GRXCR1: variants seen among roughly 807,000 people sequenced by gnomAD.
GRXCR1 encodes glutaredoxin and cysteine rich domain containing 1.
A neutral mutation model predicts 27.3 loss-of-function variants in GRXCR1; 27 were observed. That is an observed-to-expected ratio of 0.99 (90% CI 0.73 to 1.37). The LOEUF is 1.37. Ranked by LOEUF, GRXCR1 falls within the 40% of genes most tolerant of loss-of-function variation. The probability of loss-of-function intolerance (pLI) is 0.00; values close to 1 mark genes in which losing one functional copy is unlikely to be tolerated. For missense variants in GRXCR1, 379 were observed against 354.4 expected, an observed-to-expected ratio of 1.07 and a Z score of -0.56; for synonymous variants, 122 against 131.1, an observed-to-expected ratio of 0.93 and a Z score of 0.47.
intron 2 of GRXCR1, among the ~76,000 whole-genome samples, chr4:42,977,843 C>T (rs955207587): frequency 6.6e-6 from 1 of 151,922 alleles, no homozygotes; most frequent in African/African-American, 2.4e-5. Flanking sequence ...CCTTTTGTTG[C>T]CTGTGCTTTC....
At chr4:42,987,289 G>GAA (rs1711802196) in intron 2 of GRXCR1, among the ~76,000 whole-genome samples, 1 of 132,872 alleles carries the variant, frequency 7.5e-6, no homozygotes, top group Non-Finnish European at 1.6e-5. Flanking sequence ...GAGAGAGAGA[G>GAA]AGAGAGAGAG....
intron 2 of GRXCR1, among the ~76,000 whole-genome samples, chr4:42,994,149 T>G (rs1047453513): frequency 6.6e-6 from 1 of 152,140 alleles, no homozygotes; most frequent in Admixed American, 6.5e-5. Context: ...TAGCAACAAC[T>G]TTCAGTCAGT....
At position 42,896,856 on chromosome 4, in the gene GRXCR1, A is replaced by T. The variant is rs566621845; in HGVS notation, c.384+3206A>T. 3.9e-5 allele frequency among the ~76,000 whole-genome samples: 6 copies of T among 152,098 alleles called. 1 individual carries two copies. Among genetic ancestry groups the T allele is most frequent in the African/African-American group, 1.4e-4 (6 of 41,532 alleles). ...TTGATCAGGTTAGATTATCAGAAAAATTTTTCTGAGCCAAAGATGAATAAA... is the reference window on the plus strand; with the variant it reads ...TTGATCAGGTTAGATTATCAGAAAATTTTTTCTGAGCCAAAGATGAATAAA... On this transcript the variant is annotated intron_variant, in intron 1 of 3. Coordinates refer to ENST00000399770, the MANE Select transcript of GRXCR1 (RefSeq NM_001080476.3).
intron 2 of GRXCR1, among the ~76,000 whole-genome samples, chr4:43,016,487 C>T (rs115963194): frequency 0.035 from 5,375 of 152,194 alleles, 116 homozygotes; most frequent in African/African-American, 0.052. Context: ...TGCCTTACTA[C>T]TTGTGTTCTT....
At position 42,933,978 on chromosome 4, in the gene GRXCR1, G is replaced by T. The variant is rs149661098; in HGVS notation, c.385-28914G>T. ...TTCCCCCAAGTGAGATGAATCAAGGGGAGATGCAGGCAGAACCTGGAGCAG... is the reference window on the plus strand; with the variant it reads ...TTCCCCCAAGTGAGATGAATCAAGGTGAGATGCAGGCAGAACCTGGAGCAG... On this transcript the variant is annotated intron_variant, in intron 1 of 3. Transcript: ENST00000399770. Among the ~76,000 whole-genome samples the T allele has an allele frequency of 4.5e-4, 69 of 151,954 alleles. 3 individuals are homozygous for T. In the East Asian group the frequency reaches 9.0e-3, roughly 20 times the overall value.
chr4:42,989,182 C>A (rs1183609609), intron 2 of GRXCR1, among the ~76,000 whole-genome samples: 1 of 152,172 alleles, frequency 6.6e-6, no homozygotes, highest in African/African-American at 2.4e-5. Context: ...GACTGGGTGG[C>A]TTAAATAATA....
chr4:42,916,133 T>A (rs905800781), intron 1 of GRXCR1, among the ~76,000 whole-genome samples: 3 of 151,536 alleles, frequency 2.0e-5, no homozygotes, highest in Admixed American at 2.0e-4. Context: ...CATGTGCTTT[T>A]GTAAAACAGA....
At chr4:42,926,773 T>C (rs1199870110) in intron 1 of GRXCR1, among the ~76,000 whole-genome samples, 2 of 152,176 alleles carry the variant, frequency 1.3e-5, no homozygotes, top group South Asian at 2.1e-4. Context: ...TTTTAAATTG[T>C]GGTTGAAGAT....
At chr4:43,000,474 T>TAAA (rs35604158) in intron 2 of GRXCR1, among the ~76,000 whole-genome samples, 1 of 112,768 alleles carries the variant, frequency 8.9e-6, no homozygotes, top group Non-Finnish European at 1.8e-5. Context: ...GGCTCTATCT[T>TAAA]AAAAAAAAAA....
chr4:42,950,970 T>C (rs1747870178), intron 1 of GRXCR1, among the ~76,000 whole-genome samples: 1 of 152,198 alleles, frequency 6.6e-6, no homozygotes, highest in South Asian at 2.1e-4. Flanking sequence ...GGAAGAGATT[T>C]ATTACATGGT....
At position 42,893,407 on chromosome 4, in the gene GRXCR1, C is replaced by T; in HGVS notation, c.141C>T (p.Ala47=). 6.2e-7 allele frequency: 1 copy of T among 1,613,788 alleles called. No homozygotes were observed. Among genetic ancestry groups the T allele is most frequent in the Non-Finnish European group, 8.5e-7 (1 of 1,179,806 alleles). Residue 47 remains alanine, a synonymous_variant, in exon 1 of 4, where the codon GCC becomes GCT. Coordinates refer to ENST00000399770, the MANE Select transcript of GRXCR1 (RefSeq NM_001080476.3). ...CAGGCTCTCTGGATTCTGAATGTGC[C>T]AGTATCTGTGGGATAGATGGACTAG... The part of the protein sequence containing the change: ...QPSGSLDSEC[A]SICGIDGLGD...
At chr4:42,895,360 G>C (rs949124981) in intron 1 of GRXCR1, among the ~76,000 whole-genome samples, 22 of 152,076 alleles carry the variant, frequency 1.4e-4, no homozygotes, top group African/African-American at 5.3e-4. Context: ...TATTAGCAGA[G>C]GTCCTTCAAG....
intron 1 of GRXCR1, among the ~76,000 whole-genome samples, chr4:42,897,941 ATTATTATTATTATTATT>A (rs1746385980): frequency 1.8e-5 from 1 of 55,676 alleles, no homozygotes; most frequent in Non-Finnish European, 5.6e-5. Context: ...TATTATTATT[ATTATTATTATTATTATT>A]CTTATTATGT....
At position 42,893,200 on chromosome 4, in the gene GRXCR1, C is replaced by G. The variant is rs983944526; in HGVS notation, c.-67C>G. On this transcript the variant is annotated 5_prime_UTR_variant, in exon 1 of 4. Transcript: ENST00000399770. The stretch of plus-strand genomic sequence containing the variant: ...AATTGGCTCTGATATTGCTATCTGG[C>G]AAGTGGACTAGTGCAGTAACAACGG... 1.7e-4 allele frequency: 271 copies of G among 1,573,012 alleles called. 2 individuals are homozygous for G. Among genetic ancestry groups the G allele is most frequent in the Middle Eastern group, 4.2e-4 (2 of 4,754 alleles).
chr4:42,948,957 G>A (rs892427303), intron 1 of GRXCR1, among the ~76,000 whole-genome samples: 16 of 152,134 alleles, frequency 1.1e-4, no homozygotes, highest in Non-Finnish European at 2.1e-4. Flanking sequence ...TCTAAACCAT[G>A]AAATTGTTGA....
chr4:42,942,701 G>A (rs1230176330), intron 1 of GRXCR1, among the ~76,000 whole-genome samples: 1 of 152,110 alleles, frequency 6.6e-6, no homozygotes, highest in East Asian at 1.9e-4. Flanking sequence ...CTGCATCACA[G>A]GAGAGCTGAT....
intron 2 of GRXCR1, among the ~76,000 whole-genome samples, chr4:43,009,539 C>T (rs1254739516): frequency 1.3e-5 from 2 of 152,226 alleles, no homozygotes; most frequent in South Asian, 4.2e-4. Context: ...TTACAAACAA[C>T]AGAAATTCAT....
At chr4:42,903,414 C>A (rs1467949532) in intron 1 of GRXCR1, among the ~76,000 whole-genome samples, 2 of 141,084 alleles carry the variant, frequency 1.4e-5, no homozygotes, top group African/African-American at 2.6e-5. Flanking sequence ...TGGGTTCATG[C>A]CATTCTCCTG....
chr4:42,915,244 G>A (rs1447305939), intron 1 of GRXCR1, among the ~76,000 whole-genome samples: 1 of 152,068 alleles, frequency 6.6e-6, no homozygotes, highest in Non-Finnish European at 1.5e-5. Flanking sequence ...TGTACAGCTT[G>A]CCATCATAGC....
Sources: allele counts gnomAD v4.1 joint callset (sites outside exome capture counted in the v4.1 genomes callset), GRCh38; gene constraint gnomAD v4.1.1; transcripts MANE v1.5; gene names NCBI Gene and HGNC (gene_info 2026-07-23, HGNC 2026-07-21).